Variants in PCM1 observed in about 807,000 individuals in gnomAD.
PCM1 encodes the protein pericentriolar material 1, also known as pericentriolar material 1 protein.
Under a neutral mutation model 241.9 loss-of-function variants are expected in PCM1, and 157 were observed. That is an observed-to-expected ratio of 0.65 (90% CI 0.57 to 0.74). PCM1 has a LOEUF of 0.74. PCM1 is among the 30% of genes least tolerant of loss of function. The probability of loss-of-function intolerance (pLI) is 0.00; values close to 1 mark genes in which losing one functional copy is unlikely to be tolerated. For synonymous variants in PCM1, 1,085 were observed against 784.9 expected, an observed-to-expected ratio of 1.38 and a Z score of -6.39; for missense variants, 3,478 against 2,360.1, an observed-to-expected ratio of 1.47 and a Z score of -9.81.
chr8:17,947,453 T>C (rs2064258477), intron 7 of PCM1, 90 bp downstream of exon 7: 1 of 918,268 alleles, frequency 1.1e-6, no homozygotes, highest in Non-Finnish European at 1.6e-6. Flanking sequence ...CATAATCAGA[T>C]CTTGATTGTT....
chr8:17,928,839 A>G (rs2058042220), intron 2 of PCM1, among the ~76,000 whole-genome samples: 1 of 151,568 alleles, frequency 6.6e-6, no homozygotes, highest in Non-Finnish European at 1.5e-5. Context: ...GCAGTTTGGA[A>G]CAGGCTGGTC....
chr8:17,939,752 A>C lies in PCM1; in HGVS notation c.674A>C (p.Asp225Ala). ...ACTAAAGCTAGTTCCATGCGGGAAG[A>C]TCTTGTAGAGAAAAATGAGAGATCT... ...YITKASSMRE[D>A]LVEKNERSAN... is the part of the protein sequence containing the mutation. The change falls in exon 6 of 39, where the codon GAT (aspartate) becomes GCT (alanine). Residue 225 changes from aspartate (D) to alanine (A), a missense_variant. Asp to Ala is a moderately radical substitution (Grantham distance 126, BLOSUM62 -2). Transcript: ENST00000325083. The C allele has an allele frequency of 1.3e-6, 2 of 1,559,140 alleles. No individual in the cohort carries two copies. The highest frequency in any genetic ancestry group is 1.7e-6 in the Non-Finnish European group (2 of 1,148,026).
intron 36 of PCM1, among the ~76,000 whole-genome samples, chr8:18,019,405 T>C (rs1408939161): frequency 6.6e-6 from 1 of 152,196 alleles, no homozygotes; most frequent in African/African-American, 2.4e-5. Flanking sequence ...GGGGATGGTT[T>C]CAGGATGATT....
chr8:17,955,455 T>C lies in PCM1; in HGVS notation c.1289-15T>C. On this transcript the variant is annotated splice_polypyrimidine_tract_variant and intron_variant, in intron 9 of 38. Coordinates refer to ENST00000325083, the MANE Select transcript of PCM1 (RefSeq NM_006197.4). ...GGTGATTAAAAAAAATTTTTTGTTG[T>C]TGTGCCTTCTTCAGCCTCTCCACAA... 6.5e-7 allele frequency: 1 copy of C among 1,550,272 alleles called. No individual in the cohort carries two copies. The highest frequency in any genetic ancestry group is 8.7e-7 in the Non-Finnish European group (1 of 1,150,006).
chr8:17,988,667 TGTAAGACAACTCAGTA>T (rs2083423789), intron 26 of PCM1, among the ~76,000 whole-genome samples: 1 of 152,026 alleles, frequency 6.6e-6, no homozygotes, highest in Non-Finnish European at 1.5e-5. Flanking sequence ...ACAACTCAGT[TGTAAGACAACTCAGTA>T]AAAACTGGGC....
At chr8:18,008,977 C>CT (rs2092010643) in intron 30 of PCM1, among the ~76,000 whole-genome samples, 1 of 152,134 alleles carries the variant, frequency 6.6e-6, no homozygotes, top group African/African-American at 2.4e-5. Flanking sequence ...TATATATCAA[C>CT]TTGAATAGAA....
chr8:17,972,246 T>TGA lies in PCM1; in HGVS notation c.3585-83_3585-82insGA. The TGA allele has an allele frequency of 1.5e-5, 7 of 461,016 alleles. 1 individual carries two copies. The highest frequency in any genetic ancestry group is 2.4e-5 in the Non-Finnish European group (7 of 296,662). 28.6% of individuals were successfully genotyped at this position (461,016 alleles called of 1,614,324 possible). On this transcript the variant is annotated intron_variant, in intron 22 of 38. Coordinates refer to ENST00000325083, the MANE Select transcript of PCM1 (RefSeq NM_006197.4). Reference sequence around the variant, plus strand: ...GACAATTTTATTCACCTAAATCTACTCGAGTAGACTATAAATTCAGTGTAT... The same window carrying TGA: ...GACAATTTTATTCACCTAAATCTACTGACGAGTAGACTATAAATTCAGTGTAT...
intron 10 of PCM1, among the ~76,000 whole-genome samples, chr8:17,956,203 C>T (rs1303222467): frequency 6.6e-6 from 1 of 152,056 alleles, no homozygotes; most frequent in Non-Finnish European, 1.5e-5. Context: ...AAATCAAGAA[C>T]CTTCCATACA....
At chr8:17,991,972 A>T (rs752560818) in intron 28 of PCM1, among the ~76,000 whole-genome samples, 4 of 152,160 alleles carry the variant, frequency 2.6e-5, no homozygotes, top group Non-Finnish European at 5.9e-5. Flanking sequence ...TCCATTCCTA[A>T]GTTACATCAC....
At position 17,935,655 on chromosome 8, in the gene PCM1, G is replaced by T; in HGVS notation, c.45G>T (p.Gln15His). The T allele has an allele frequency of 1.3e-6, 2 of 1,570,312 alleles. No individual in the cohort carries two copies. The highest frequency in any genetic ancestry group is 2.2e-5 in the South Asian group (2 of 89,952). Residue 15 changes from glutamine to histidine, a missense_variant, in exon 3 of 39, where the codon CAG becomes CAT. Transcript: ENST00000325083. ...CCTTTGAAGATGGCATGAATGATCA[G>T]GATTTACCAAACTGGAGTAATGAGA... is the stretch of plus-strand genomic sequence containing the variant. ...GGPFEDGMND[Q>H]DLPNWSNENV...
At chr8:17,948,899 CAG>C (rs1367883851) in intron 7 of PCM1, among the ~76,000 whole-genome samples, 1 of 152,106 alleles carries the variant, frequency 6.6e-6, no homozygotes, top group Non-Finnish European at 1.5e-5. Context: ...CTTTGATCAT[CAG>C]AGATTTCTAG....
chr8:17,931,138 T>TAC lies in PCM1; in HGVS notation c.-22-4451_-22-4450insAC, dbSNP rs2058894426. 2.6e-5 allele frequency among the ~76,000 whole-genome samples: 4 copies of TAC among 152,294 alleles called. No individual in the cohort carries two copies. The South Asian group carries it at 8.3e-4, about 32-fold the overall frequency. The stretch of plus-strand genomic sequence containing the variant: ...AAATCATCTGTTTTTCCCAAACTAA[T>TAC]TAGAGTGTACAGTTTTAAAATTGTT... On this transcript the variant is annotated intron_variant, in intron 2 of 38. Coordinates refer to ENST00000325083, the MANE Select transcript of PCM1 (RefSeq NM_006197.4).
intron 20 of PCM1, 26 bp downstream of exon 20, chr8:17,966,499 G>T: frequency 6.2e-7 from 1 of 1,605,314 alleles, no homozygotes; most frequent in South Asian, 1.1e-5. Context: ...GAAGTATTGA[G>T]ACTGTATAAG....
At chr8:17,941,085 A>C (rs186178072) in intron 6 of PCM1, among the ~76,000 whole-genome samples, 1 of 152,140 alleles carries the variant, frequency 6.6e-6, no homozygotes, top group Non-Finnish European at 1.5e-5. Context: ...TTTTCTCTAC[A>C]TTATTTTCAA....
intron 2 of PCM1, chr8:17,926,160 A>C (rs1163106570): frequency 6.6e-6 from 1 of 152,232 alleles, no homozygotes; most frequent in South Asian, 2.1e-4. Context: ...ATTAGTTATA[A>C]GATTTTCCTT....
At chr8:17,995,750 T>C (rs1370803297) in intron 29 of PCM1, among the ~76,000 whole-genome samples, 1 of 152,154 alleles carries the variant, frequency 6.6e-6, no homozygotes, top group Non-Finnish European at 1.5e-5. Context: ...CATCAGTGTT[T>C]TATAGTTTTC....
rs775061142 is a variant in PCM1, at chr8:17,939,730, A to G, written c.652A>G (p.Lys218Glu). 4.5e-6 allele frequency: 7 copies of G among 1,553,154 alleles called. No individual in the cohort carries two copies. Among genetic ancestry groups the G allele is most frequent in the African/African-American group, 1.4e-5 (1 of 73,404 alleles). The change falls in exon 6 of 39, where the codon AAA (lysine) becomes GAA (glutamate). Residue 218 changes from lysine (K) to glutamate (E), a missense_variant. By Grantham distance (56) the Lys-to-Glu change is moderately conservative (BLOSUM62 1). Transcript: ENST00000325083. ...RLVQIRDYIT[K>E]ASSMREDLVE... is the part of the protein sequence containing the mutation. The stretch of plus-strand genomic sequence containing the variant: ...TGTTCAAATTCGCGATTATATTACT[A>G]AAGCTAGTTCCATGCGGGAAGATCT...
At chr8:17,965,855 C>T in intron 18 of PCM1, 144 bp from the exon 19 acceptor site, 1 of 570,384 alleles carries the variant, frequency 1.8e-6, no homozygotes, top group Non-Finnish European at 3.1e-6. Context: ...GACTTCTCCC[C>T]CCTCTATATT....
chr8:17,975,703 G>GT (rs1036472061), intron 23 of PCM1, among the ~76,000 whole-genome samples: 12 of 152,114 alleles, frequency 7.9e-5, no homozygotes, highest in African/African-American at 2.7e-4. Context: ...ATATATATGT[G>GT]TTTTTTGTGC....
Sources: allele counts gnomAD v4.1 joint callset (sites outside exome capture counted in the v4.1 genomes callset), GRCh38; gene constraint gnomAD v4.1.1; transcripts MANE v1.5; gene names NCBI Gene and HGNC (gene_info 2026-07-23, HGNC 2026-07-21).